ADAMTS6: variants seen among roughly 807,000 people sequenced by gnomAD.
The protein encoded by ADAMTS6 is A disintegrin and metalloproteinase with thrombospondin motifs 6.
ADAMTS6 carries 23 observed loss-of-function variants against 144.3 expected under a neutral mutation model. The ratio of observed to expected loss-of-function variants is 0.16; its 90% CI spans 0.11 to 0.23. ADAMTS6 has a LOEUF of 0.23. ADAMTS6 is among the 10% of genes least tolerant of loss of function. The probability of loss-of-function intolerance (pLI) is 1.00; values close to 1 mark genes in which losing one functional copy is unlikely to be tolerated. For synonymous variants in ADAMTS6, 444 were observed against 457.5 expected (o/e 0.97, Z 0.38); for missense variants, 999 against 1,379.6 (o/e 0.72, Z 4.37).
rs775212244 is a variant in ADAMTS6, at chr5:65,150,009, A to G, written c.*1827T>C. The G allele has an allele frequency of 6.6e-6, 1 of 152,294 alleles. No individual in the cohort carries two copies. The highest frequency in any genetic ancestry group is 1.5e-5 in the Non-Finnish European group (1 of 68,054). The allele number at this position is 152,294 out of a possible 1,614,324, so 9.4% of individuals were successfully genotyped here. A position where few individuals can be genotyped will look rare whatever the true frequency, so the allele number is the denominator to read the frequency against. ...AGATGGTCATGACTGAGAGTGCAGAAAACATTCCATGCTGATTGTCCACAG... is the reference window on the plus strand; with the variant it reads ...AGATGGTCATGACTGAGAGTGCAGAGAACATTCCATGCTGATTGTCCACAG... On this transcript the variant is annotated 3_prime_UTR_variant, in exon 25 of 25. Coordinates refer to ENST00000381055, the MANE Select transcript of ADAMTS6 (RefSeq NM_197941.4).
At chr5:65,158,843 A>G (rs528285622) in intron 24 of ADAMTS6, among the ~76,000 whole-genome samples, 2 of 152,270 alleles carry the variant, frequency 1.3e-5, no homozygotes, top group African/African-American at 2.4e-5. Context: ...CCCTCTTGCT[A>G]TTTTAATTTT....
chr5:65,228,884 C>A (rs1297632037), intron 15 of ADAMTS6, among the ~76,000 whole-genome samples: 1 of 152,166 alleles, frequency 6.6e-6, no homozygotes, highest in Non-Finnish European at 1.5e-5. Flanking sequence ...AGAAGAGAGG[C>A]CATAGGCCCA....
At chr5:65,385,157 T>C (rs1004059607) in intron 7 of ADAMTS6, among the ~76,000 whole-genome samples, 2 of 152,186 alleles carry the variant, frequency 1.3e-5, no homozygotes, top group Non-Finnish European at 2.9e-5. Context: ...GGGAGGGACA[T>C]ACATTCAGAT....
chr5:65,252,137 G>A (rs1031496433), intron 14 of ADAMTS6, among the ~76,000 whole-genome samples: 4 of 152,132 alleles, frequency 2.6e-5, no homozygotes, highest in Non-Finnish European at 5.9e-5. Context: ...ATTCACCAGT[G>A]TAGGGATCCA....
Position 65,253,531 on chromosome 5 carries a change from T to C in ADAMTS6, c.1830+7069A>G, listed in dbSNP as rs566246586. 1.4e-4 allele frequency among the ~76,000 whole-genome samples: 22 copies of C among 152,306 alleles called. No homozygotes were observed. The South Asian group carries it at 4.1e-3, about 29-fold the overall frequency. ...ATCTTATTTATAAGACCATTCAATA[T>C]GCATGATATGCATAGTATTAAATTA... is the stretch of plus-strand genomic sequence containing the variant. On this transcript the variant is annotated intron_variant, in intron 14 of 24. Coordinates refer to ENST00000381055, the MANE Select transcript of ADAMTS6 (RefSeq NM_197941.4).
At chr5:65,276,836 T>C (rs1762582515) in intron 11 of ADAMTS6, among the ~76,000 whole-genome samples, 1 of 152,116 alleles carries the variant, frequency 6.6e-6, no homozygotes, top group South Asian at 2.1e-4. Flanking sequence ...TGAAGTATAG[T>C]GAGAAAGAAT....
intron 7 of ADAMTS6, among the ~76,000 whole-genome samples, chr5:65,402,286 C>T (rs116809794): frequency 0.013 from 2,035 of 152,126 alleles, 51 homozygotes; most frequent in African/African-American, 0.047. Flanking sequence ...AACATATATC[C>T]TAGGGAAATC....
chr5:65,303,648 C>A (rs911010738), intron 9 of ADAMTS6, among the ~76,000 whole-genome samples: 39 of 151,506 alleles, frequency 2.6e-4, no homozygotes, highest in Admixed American at 2.5e-3. Flanking sequence ...TACTCTTAAG[C>A]ATAAAATATC....
chr5:65,244,040 A>T (rs1417402955), intron 14 of ADAMTS6, among the ~76,000 whole-genome samples: 1 of 152,182 alleles, frequency 6.6e-6, no homozygotes, highest in Non-Finnish European at 1.5e-5. Context: ...TGTGCTGGAT[A>T]CAAGTGAAAT....
Position 65,440,391 on chromosome 5 carries a change from G to C in ADAMTS6, c.1073+11084C>G, listed in dbSNP as rs115959491. The stretch of plus-strand genomic sequence containing the variant: ...GGAAAGTAAACAAAGTGAGCCCTAA[G>C]ATTGCCCCCAGCTTACTACCTTGAG... On this transcript the variant is annotated intron_variant, in intron 7 of 24. Transcript: ENST00000381055. Among the ~76,000 whole-genome samples, 442 of 152,268 alleles carry C rather than the reference G, an allele frequency of 2.9e-3. 1 individual carries two copies. Among genetic ancestry groups the C allele is most frequent in the Middle Eastern group, 0.014 (4 of 294 alleles).
chr5:65,336,633 T>A (rs986967830), intron 7 of ADAMTS6, among the ~76,000 whole-genome samples: 3 of 152,120 alleles, frequency 2.0e-5, no homozygotes, highest in African/African-American at 7.2e-5. Context: ...GCACTCTTCA[T>A]GCAAAGTATT....
At chr5:65,422,290 A>G (rs1756114403) in intron 7 of ADAMTS6, among the ~76,000 whole-genome samples, 1 of 152,244 alleles carries the variant, frequency 6.6e-6, no homozygotes, top group African/African-American at 2.4e-5. Flanking sequence ...CAGAATGGCC[A>G]CTATTAACGA....
chr5:65,196,107 G>C (rs1755326019), intron 21 of ADAMTS6, among the ~76,000 whole-genome samples: 1 of 152,166 alleles, frequency 6.6e-6, no homozygotes, highest in Non-Finnish European at 1.5e-5. Context: ...TCAACAGAAA[G>C]AGACTGAAGT....
At chr5:65,369,662 CAT>C (rs1047992529) in intron 7 of ADAMTS6, among the ~76,000 whole-genome samples, 11 of 152,048 alleles carry the variant, frequency 7.2e-5, no homozygotes, top group African/African-American at 2.7e-4. Context: ...TATGATATCT[CAT>C]GAGACAATAT....
At chr5:65,368,495 A>T (rs1750516677) in intron 7 of ADAMTS6, among the ~76,000 whole-genome samples, 1 of 152,212 alleles carries the variant, frequency 6.6e-6, no homozygotes, top group Non-Finnish European at 1.5e-5. Flanking sequence ...GCCCCTCAAG[A>T]TAACTTCCCT....
intron 15 of ADAMTS6, among the ~76,000 whole-genome samples, chr5:65,236,115 C>G (rs1450056320): frequency 1.3e-5 from 2 of 152,024 alleles, no homozygotes; most frequent in Non-Finnish European, 2.9e-5. Flanking sequence ...GATTTTAACA[C>G]AGCACTCTCA....
Position 65,215,314 on chromosome 5 carries a change from A to T in ADAMTS6, c.2436+10T>A, listed in dbSNP as rs752871838. 180 of 1,611,540 alleles carry T rather than the reference A, an allele frequency of 1.1e-4. No individual in the cohort carries two copies. Among genetic ancestry groups the T allele is most frequent in the Non-Finnish European group, 1.5e-4 (172 of 1,179,156 alleles). ...AAACAGAAGAAATACAATGGCAAAG[A>T]CGCATTTACCATGACGATGAGATTT... On this transcript the variant is annotated intron_variant, in intron 19 of 24. Coordinates refer to ENST00000381055, the MANE Select transcript of ADAMTS6 (RefSeq NM_197941.4).
At chr5:65,330,272 A>G (rs1746588191) in intron 8 of ADAMTS6, among the ~76,000 whole-genome samples, 1 of 152,142 alleles carries the variant, frequency 6.6e-6, no homozygotes, top group Admixed American at 6.6e-5. Context: ...TTACTTTCAA[A>G]TGAATATCAT....
At chr5:65,357,331 C>T (rs1338124399) in intron 7 of ADAMTS6, among the ~76,000 whole-genome samples, 1 of 151,392 alleles carries the variant, frequency 6.6e-6, no homozygotes, top group South Asian at 2.1e-4. Context: ...AATGTGAAAA[C>T]ACAACATACC....
Sources: allele counts gnomAD v4.1 joint callset (sites outside exome capture counted in the v4.1 genomes callset), GRCh38; gene constraint gnomAD v4.1.1; transcripts MANE v1.5; gene names NCBI Gene and HGNC (gene_info 2026-07-23, HGNC 2026-07-21).